Variants in NLRP11 observed in about 807,000 individuals in gnomAD.
NLRP11 encodes NACHT, LRR and PYD domains-containing protein 11.
A neutral mutation model predicts 79.3 loss-of-function variants in NLRP11; 53 were observed. That is an observed-to-expected ratio of 0.67 (90% confidence interval 0.54 to 0.84). NLRP11 has a LOEUF of 0.84. NLRP11 is among the 40% of genes least tolerant of loss of function. NLRP11 has a pLI of 0.00. For missense variants in NLRP11, 1,264 were observed against 1,255.0 expected, an observed-to-expected ratio of 1.01 and a Z score of -0.11; for synonymous variants, 518 against 462.6, an observed-to-expected ratio of 1.12 and a Z score of -1.54.
intron 6 of NLRP11, among the ~76,000 whole-genome samples, chr19:55,793,573 A>C (rs1269378527): frequency 4.7e-5 from 7 of 150,366 alleles, no homozygotes; most frequent in Non-Finnish European, 1.0e-4. Context: ...AAAAAAAAAA[A>C]AAAAAAAAAA....
At chr19:55,808,296 GT>G (rs1445142812) in intron 3 of NLRP11, among the ~76,000 whole-genome samples, 1 of 152,152 alleles carries the variant, frequency 6.6e-6, no homozygotes, top group Non-Finnish European at 1.5e-5. Flanking sequence ...AATGTTGCAT[GT>G]TTTGTGCTAT....
chr19:55,796,357 T>C (rs10422937), intron 5 of NLRP11, 107 bp from the exon 6 acceptor site: 437,160 of 833,980 alleles, frequency 0.52, 116,721 homozygotes, highest in South Asian at 0.65. Flanking sequence ...CGATGATGTC[T>C]ACTTGGAAAT....
At chr19:55,819,125 CTACACACACACACACACACACACA>C (rs1981427924) in intron 1 of NLRP11, among the ~76,000 whole-genome samples, 1 of 95,838 alleles carries the variant, frequency 1.0e-5, no homozygotes, top group African/African-American at 3.5e-5. Context: ...GTGGTATCGC[CTACACACACACACACACACACACA>C]CACACACACA....
chr19:55,801,436 C>A, intron 5 of NLRP11, 136 bp downstream of exon 5: 10 of 639,500 alleles, frequency 1.6e-5, no homozygotes, highest in South Asian at 6.4e-5. Flanking sequence ...AGAAACAAAC[C>A]ACGTGCTAAA....
chr19:55,801,925 T>C (rs1157092804), intron 4 of NLRP11, among the ~76,000 whole-genome samples, 186 bp from the exon 5 acceptor site: 2 of 152,218 alleles, frequency 1.3e-5, no homozygotes, highest in Admixed American at 6.5e-5. Context: ...GTCAGCCTGT[T>C]GACTTTGAAG....
chr19:55,818,982 G>A (rs556650738), intron 1 of NLRP11, among the ~76,000 whole-genome samples: 9 of 152,108 alleles, frequency 5.9e-5, no homozygotes, highest in African/African-American at 1.2e-4. Flanking sequence ...GAGCCTGCCC[G>A]CTTTGCATAC....
chr19:55,787,266 T>C (rs1208373253), intron 9 of NLRP11, among the ~76,000 whole-genome samples: 1 of 152,242 alleles, frequency 6.6e-6, no homozygotes, highest in African/African-American at 2.4e-5. Context: ...AGCTTCTAAA[T>C]GGCTTCTAAC....
chr19:55,836,096 C>A (rs1165627701), upstream of NLRP11, among the ~76,000 whole-genome samples: 1 of 152,218 alleles, frequency 6.6e-6, no homozygotes, highest in Non-Finnish European at 1.5e-5. Context: ...TGCACTCCAG[C>A]CTGGGTGACC....
At chr19:55,817,436 A>G (rs1568640649) in intron 2 of NLRP11, among the ~76,000 whole-genome samples, 1 of 147,552 alleles carries the variant, frequency 6.8e-6, no homozygotes. Flanking sequence ...CCATCAATCA[A>G]CAAGTGGATA....
At chr19:55,813,985 C>T (rs1050766547) in intron 2 of NLRP11, among the ~76,000 whole-genome samples, 22 of 152,154 alleles carry the variant, frequency 1.4e-4, no homozygotes, top group Admixed American at 3.9e-4. Flanking sequence ...GTAGACTTTA[C>T]GCCAGACTGA....
chr19:55,788,061 T>G (rs1376927345), intron 9 of NLRP11, among the ~76,000 whole-genome samples: 1 of 152,174 alleles, frequency 6.6e-6, no homozygotes, highest in East Asian at 1.9e-4. Flanking sequence ...TAGTGTGTCA[T>G]TGAATCCAAG....
chr19:55,813,884 T>G (rs1980838218), intron 2 of NLRP11, among the ~76,000 whole-genome samples: 2 of 152,110 alleles, frequency 1.3e-5, no homozygotes, highest in Admixed American at 1.3e-4. Context: ...CAAACTTGGG[T>G]TCACTTCCCC....
At chr19:55,811,970 T>C (rs1057014594) in intron 2 of NLRP11, among the ~76,000 whole-genome samples, 1 of 149,096 alleles carries the variant, frequency 6.7e-6, no homozygotes, top group South Asian at 2.1e-4. Flanking sequence ...TTCACACATG[T>C]ACACACACAC....
Position 55,809,558 on chromosome 19 carries a change from C to T in NLRP11, c.1052G>A (p.Arg351Gln), listed in dbSNP as rs140988779. 1.5e-3 allele frequency: 2,447 copies of T among 1,614,184 alleles called. 1 individual carries two copies. The highest frequency in any genetic ancestry group is 2.0e-3 in the Non-Finnish European group (2,328 of 1,180,040). ...GAAGTCACGCCCCTTGTCCATCTGC[C>T]GCTTCAGGACAGTACACGTGATCCA... The change falls in exon 3 of 10, where the codon CGG becomes CAG. Residue 351 changes from arginine (R) to glutamine (Q), a missense_variant. Physicochemically the swap from Arg to Gln is conservative, Grantham distance 43. Transcript: ENST00000589093. This position sits in a 1 kb window ranked among gnomAD's most constrained non-coding sequence, Gnocchi z 4.5.
Position 55,795,814 on chromosome 19 carries a change from C to T in NLRP11, c.2342+266G>A, listed in dbSNP as rs184267939. On this transcript the variant is annotated intron_variant, in intron 6 of 9. Coordinates refer to ENST00000589093, the Ensembl canonical transcript of NLRP11. ...TGACCACCATTTTTAACTCTTATCT[C>T]CAAAGATGTATGTTTGGTCATGTTA... is the stretch of plus-strand genomic sequence containing the variant. Among the ~76,000 whole-genome samples, 153 of 152,210 alleles carry T rather than the reference C, an allele frequency of 1.0e-3. 1 individual carries two copies. Among genetic ancestry groups the T allele is most frequent in the Non-Finnish European group, 1.9e-3 (131 of 67,990 alleles).
chr19:55,801,292 G>C, intron 5 of NLRP11: 1 of 337,740 alleles, frequency 3.0e-6, no homozygotes, highest in South Asian at 6.8e-5. Flanking sequence ...TTTAGGGTTT[G>C]ACCAGTAGTC....
At chr19:55,813,606 C>T (rs1291953654) in intron 2 of NLRP11, among the ~76,000 whole-genome samples, 2 of 152,184 alleles carry the variant, frequency 1.3e-5, no homozygotes, top group African/African-American at 4.8e-5. Flanking sequence ...CTGATATTCT[C>T]TTAAATATCT....
chr19:55,808,483 A>G (rs1980229932), intron 3 of NLRP11, among the ~76,000 whole-genome samples: 1 of 152,176 alleles, frequency 6.6e-6, no homozygotes, highest in Admixed American at 6.5e-5. Flanking sequence ...AGGGGACCCT[A>G]CTGGCCACAG....
chr19:55,835,897 G>T (rs111609041), upstream of NLRP11, among the ~76,000 whole-genome samples: 10 of 151,342 alleles, frequency 6.6e-5, no homozygotes, highest in African/African-American at 1.9e-4. Context: ...GCCGAGGCGG[G>T]CAGATCACTT....
Sources: allele counts gnomAD v4.1 joint callset (sites outside exome capture counted in the v4.1 genomes callset), GRCh38; gene constraint gnomAD v4.1.1; non-coding constraint Gnocchi (gnomAD v3.1); transcripts MANE v1.5; gene names NCBI Gene and HGNC (gene_info 2026-07-23, HGNC 2026-07-21).